TCF7L2: variants seen among roughly 807,000 people sequenced by gnomAD.
TCF7L2 encodes transcription factor 7 like 2, also known as transcription factor 7-like 2.
TCF7L2 carries 23 observed loss-of-function variants against 77.9 expected under a neutral mutation model. The ratio of observed to expected loss-of-function variants is 0.30; its 90% confidence interval spans 0.21 to 0.42. The LOEUF (loss-of-function observed/expected upper bound fraction) is 0.42, where lower values mean the gene tolerates loss of function less well. Among genes scored for constraint, TCF7L2 ranks in the 10% least tolerant of loss-of-function variants. The probability of loss-of-function intolerance (pLI) is 1.00; values close to 1 mark genes in which losing one functional copy is unlikely to be tolerated. For missense variants in TCF7L2, 654 were observed against 793.1 expected (o/e 0.82, Z 2.11); for synonymous variants, 413 against 340.2 (o/e 1.21, Z -2.36).
intron 4 of TCF7L2, among the ~76,000 whole-genome samples, chr10:113,023,719 A>C (rs1311458242): frequency 1.3e-5 from 2 of 151,574 alleles, no homozygotes; most frequent in Non-Finnish European, 2.9e-5. Context: ...CCCAGGCTGG[A>C]GTGCAATGGC....
chr10:113,166,751 CA>C lies in TCF7L2; in HGVS notation c.*781del, dbSNP rs755174251. ...CTTAGCATAAGCATCTTATATATAA[CA>C]ACTCATTTGTACAAGGTTTTTAAGT... On this transcript the variant is annotated 3_prime_UTR_variant, in exon 14 of 14. Transcript: ENST00000627217. 4.4e-6 allele frequency: 1 copy of C among 228,360 alleles called. No homozygotes were observed. The highest frequency in any genetic ancestry group is 8.7e-6 in the Non-Finnish European group (1 of 115,202). 14.1% of individuals were successfully genotyped at this position (228,360 alleles called of 1,614,324 possible).
At chr10:112,961,939 C>T (rs951494280) in intron 3 of TCF7L2, among the ~76,000 whole-genome samples, 1 of 151,970 alleles carries the variant, frequency 6.6e-6, no homozygotes, top group African/African-American at 2.4e-5. Context: ...GTAAAATTAA[C>T]TTTGTCCTAT....
rs191775050 is a variant in TCF7L2 at position 112,974,692 on chromosome 10, C to G, written c.450+10068C>G. ...ACTCCTGACCTCATGATCCACCCAC[C>G]TCGGCCTCCCAAAGTGCTGGGATTA... On this transcript the variant is annotated intron_variant, in intron 4 of 13. Transcript: ENST00000627217. Among the ~76,000 whole-genome samples the G allele has an allele frequency of 6.3e-4, 96 of 152,316 alleles. 1 individual carries two copies. The highest frequency in any genetic ancestry group is 1.5e-3 in the Admixed American group (23 of 15,296).
intron 5 of TCF7L2, among the ~76,000 whole-genome samples, chr10:113,049,715 A>G (rs1264719099): frequency 6.6e-6 from 1 of 152,130 alleles, no homozygotes; most frequent in African/African-American, 2.4e-5. Context: ...GATAAATTTT[A>G]TCTCTGGAAA....
intron 4 of TCF7L2, among the ~76,000 whole-genome samples, chr10:113,033,085 A>G (rs1293858380): frequency 6.6e-6 from 1 of 152,070 alleles, no homozygotes; most frequent in Non-Finnish European, 1.5e-5. Flanking sequence ...AGTTCCGACT[A>G]TGTTGGTTTT....
At chr10:112,970,826 C>T (rs1564728270) in intron 4 of TCF7L2, among the ~76,000 whole-genome samples, 1 of 152,198 alleles carries the variant, frequency 6.6e-6, no homozygotes, top group Non-Finnish European at 1.5e-5. Context: ...AAGTGAAGAA[C>T]TCCTGGAAAC....
chr10:112,951,223 C>G lies in TCF7L2; in HGVS notation c.206C>G (p.Pro69Arg). The stretch of plus-strand genomic sequence containing the variant: ...TCTGGGAAGGCGGAAAGACGGCCTC[C>G]GCCTCGCTCCGAAAGTTTCCGAGAC... Residue 69 changes from proline to arginine, a missense_variant, in exon 2 of 14, where the codon CCG becomes CGG. Physicochemically the swap from Pro to Arg is moderately radical, Grantham distance 103. This residue lies in a region of TCF7L2 where 132 missense variants were observed against 123.7 expected (regional missense o/e 1.07). Transcript: ENST00000627217. 1.9e-6 allele frequency: 3 copies of G among 1,582,322 alleles called. No homozygotes were observed. The highest frequency in any genetic ancestry group is 2.6e-6 in the Non-Finnish European group (3 of 1,167,090).
chr10:113,167,105 C>T lies in TCF7L2; in HGVS notation c.*1133C>T, dbSNP rs564505816. ...TCTCAGTGAATTTAGCTTTCTCCCT[C>T]TTTTTGATGCTGTAATTTTTGTTCA... On this transcript the variant is annotated 3_prime_UTR_variant, in exon 14 of 14. Coordinates refer to ENST00000627217, the MANE Select transcript of TCF7L2 (RefSeq NM_001146274.2). 1 of 229,922 alleles carries T rather than the reference C, an allele frequency of 4.3e-6. No individual in the cohort carries two copies. Among genetic ancestry groups the T allele is most frequent in the East Asian group, 6.2e-5 (1 of 16,096 alleles). The allele number at this position is 229,922 out of a possible 1,614,324, so 14.2% of individuals were successfully genotyped here. A position where few individuals can be genotyped will look rare whatever the true frequency, so the allele number is the denominator to read the frequency against.
chr10:113,097,238 T>C (rs2061094194), intron 5 of TCF7L2, among the ~76,000 whole-genome samples: 1 of 152,120 alleles, frequency 6.6e-6, no homozygotes, highest in Non-Finnish European at 1.5e-5. Flanking sequence ...CACTTGTTCC[T>C]GAGAAATGAG....
intron 4 of TCF7L2, among the ~76,000 whole-genome samples, chr10:113,032,126 G>A (rs11196198): frequency 7.2e-5 from 11 of 152,180 alleles, no homozygotes; most frequent in African/African-American, 2.4e-4. Context: ...GTACGCACTC[G>A]TAATTTGAAG....
At chr10:113,117,788 A>C (rs1309357489) in intron 5 of TCF7L2, among the ~76,000 whole-genome samples, 2 of 152,180 alleles carry the variant, frequency 1.3e-5, no homozygotes, top group Admixed American at 1.3e-4. Flanking sequence ...AAAAATGTCA[A>C]AAGATCAAAA....
rs2074026619 is a variant in TCF7L2 at position 113,166,039 on chromosome 10, C to A, written c.*67C>A. On this transcript the variant is annotated 3_prime_UTR_variant, in exon 14 of 14. Coordinates refer to ENST00000627217, the MANE Select transcript of TCF7L2 (RefSeq NM_001146274.2). ...TTCACTTTTCTTAATTTGCCCCCCA[C>A]CCCCACCTTGAAAGGTTTTGTTTTG... is the stretch of plus-strand genomic sequence containing the variant. 7.2e-7 allele frequency: 1 copy of A among 1,390,810 alleles called. No individual in the cohort carries two copies. Among genetic ancestry groups the A allele is most frequent in the Non-Finnish European group, 9.4e-7 (1 of 1,060,134 alleles). The allele number at this position is 1,390,810 out of a possible 1,614,324, so 86.2% of individuals were successfully genotyped here.
At chr10:113,087,117 C>T (rs1393147801) in intron 5 of TCF7L2, among the ~76,000 whole-genome samples, 1 of 152,108 alleles carries the variant, frequency 6.6e-6, no homozygotes. Flanking sequence ...CGCTGTTGGA[C>T]GTGAACTATA....
intron 5 of TCF7L2, among the ~76,000 whole-genome samples, chr10:113,057,532 G>T (rs970551856): frequency 6.6e-6 from 1 of 152,142 alleles, no homozygotes; most frequent in African/African-American, 2.4e-5. Flanking sequence ...TTCTGTTGGG[G>T]GTCAGGGTAT....
chr10:112,951,678 GC>G, intron 3 of TCF7L2, 71 bp downstream of exon 3: 1 of 937,790 alleles, frequency 1.1e-6, no homozygotes, highest in Middle Eastern at 5.3e-4. Flanking sequence ...CCCGCATGCG[GC>G]CCCTGCCCTG....
intron 12 of TCF7L2, among the ~76,000 whole-genome samples, chr10:113,159,526 G>GA (rs562679836): frequency 1.3e-5 from 2 of 150,878 alleles, no homozygotes; most frequent in African/African-American, 4.9e-5. Context: ...TCTTCTTTAA[G>GA]AAAAAAAATT....
intron 4 of TCF7L2, among the ~76,000 whole-genome samples, chr10:112,983,474 C>CAAAT (rs1221265018): frequency 2.5e-4 from 38 of 152,068 alleles, no homozygotes; most frequent in African/African-American, 8.9e-4. Flanking sequence ...GACTCTGTCT[C>CAAAT]AAATAAATAA....
chr10:113,165,911 A>G lies in TCF7L2; in HGVS notation c.1748A>G (p.His583Arg), dbSNP rs1564996770. The change falls in exon 14 of 14, where the codon CAC becomes CGC. Residue 583 changes from histidine (H) to arginine (R), a missense_variant. His to Arg is a conservative substitution (Grantham distance 29, BLOSUM62 0). This residue lies in a region of TCF7L2 where 272 missense variants were observed against 215.4 expected (regional missense o/e 1.26). Coordinates refer to ENST00000627217, the MANE Select transcript of TCF7L2 (RefSeq NM_001146274.2). ...CCGTCGACTTCTTCCTTACATTCCC[A>G]CAGCTCCCTGGCCGGGACCCAGCCC... 2 of 1,582,820 alleles carry G rather than the reference A, an allele frequency of 1.3e-6. No homozygotes were observed. Among genetic ancestry groups the G allele is most frequent in the Non-Finnish European group, 8.6e-7 (1 of 1,162,748 alleles).
chr10:113,029,367 G>A (rs1220464488), intron 4 of TCF7L2, among the ~76,000 whole-genome samples: 3 of 151,948 alleles, frequency 2.0e-5, no homozygotes, highest in Admixed American at 6.6e-5. Context: ...ATCCCTCCCC[G>A]AGATTCAGCA....
Sources: gnomAD v4.1 joint callset for allele counts (sites outside exome capture counted in the v4.1 genomes callset) on GRCh38, gnomAD v4.1.1 for gene constraint, gnomAD v4.1.1 regional missense constraint, MANE v1.5 for transcripts, NCBI Gene and HGNC (gene_info 2026-07-23, HGNC 2026-07-21) for gene names.